The following NRXN1 variants were observed in gnomAD, a reference collection of about 807,000 sequenced individuals.
NRXN1 encodes neurexin 1.
In NRXN1, 39 loss-of-function variants were observed where a neutral mutation model predicts 150.9. That is an observed-to-expected ratio of 0.26 (90% CI 0.20 to 0.34). The LOEUF is 0.34. NRXN1 is among the 10% of genes least tolerant of loss of function. The probability of loss-of-function intolerance (pLI) is 1.00; values close to 1 mark genes in which losing one functional copy is unlikely to be tolerated. For missense variants in NRXN1, 1,815 were observed against 1,949.9 expected (o/e 0.93, Z 1.30); for synonymous variants, 924 against 757.0 (o/e 1.22, Z -3.62).
intron 17 of NRXN1, among the ~76,000 whole-genome samples, chr2:50,276,124 C>A (rs1202777431): frequency 1.3e-5 from 2 of 151,800 alleles, no homozygotes; most frequent in African/African-American, 4.8e-5. Context: ...ACGTGAGAAA[C>A]TCAAGAACAA....
In NRXN1 at chr2:50,136,342, G is replaced by C. The variant is rs190720466; in HGVS notation, c.3547-44848C>G. Among the ~76,000 whole-genome samples the C allele has an allele frequency of 2.0e-5, 3 of 152,218 alleles. No homozygotes were observed. The East Asian group carries it at 5.8e-4, about 29-fold the overall frequency. On this transcript the variant is annotated intron_variant, in intron 18 of 22. Transcript: ENST00000401669. Reference sequence around the variant, plus strand: ...ACCAAGGAACAAGTTCATTTAAATGGTTACTCAGGAAATCTTGACGGTGAT... The same window carrying C: ...ACCAAGGAACAAGTTCATTTAAATGCTTACTCAGGAAATCTTGACGGTGAT...
chr2:50,462,670 G>A (rs150632538), intron 17 of NRXN1, among the ~76,000 whole-genome samples: 172 of 151,716 alleles, frequency 1.1e-3, no homozygotes, highest in African/African-American at 4.1e-3. Context: ...GGGAAGAAAG[G>A]GTTTAACAAA....
chr2:50,771,146 G>A lies in NRXN1; in HGVS notation c.833-147531C>T, dbSNP rs191629427. On this transcript the variant is annotated intron_variant, in intron 5 of 22. Coordinates refer to ENST00000401669, the MANE Select transcript of NRXN1 (RefSeq NM_001330078.2). The stretch of plus-strand genomic sequence containing the variant: ...CGGACTGCAGATTGTACTGAAGAGA[G>A]TGCCTGGAAGGATGATGGTCATAGA... Among the ~76,000 whole-genome samples the A allele has an allele frequency of 2.6e-5, 4 of 152,178 alleles. No individual in the cohort carries two copies. In the East Asian group the frequency reaches 5.8e-4, roughly 22 times the overall value.
At chr2:50,714,951 G>A (rs1695675701) in intron 5 of NRXN1, among the ~76,000 whole-genome samples, 1 of 152,042 alleles carries the variant, frequency 6.6e-6, no homozygotes, top group African/African-American at 2.4e-5. Flanking sequence ...AGTTAAAAGT[G>A]CTATTTAATT....
intron 5 of NRXN1, among the ~76,000 whole-genome samples, chr2:50,691,411 A>G (rs929149925): frequency 1.3e-5 from 2 of 152,204 alleles, no homozygotes; most frequent in African/African-American, 4.8e-5. Context: ...AGACATTTTG[A>G]TAGCAATTCA....
intron 21 of NRXN1, among the ~76,000 whole-genome samples, chr2:50,003,627 T>C (rs1197806455): frequency 6.6e-6 from 1 of 152,160 alleles, no homozygotes; most frequent in Non-Finnish European, 1.5e-5. Context: ...TGAAAACCGA[T>C]GTGCCTTTTT....
intron 8 of NRXN1, among the ~76,000 whole-genome samples, chr2:50,572,968 A>T (rs1321391653): frequency 6.6e-6 from 1 of 152,034 alleles, no homozygotes; most frequent in African/African-American, 2.4e-5. Context: ...GCCTCATTTT[A>T]CTCTCAGTAT....
At chr2:50,365,032 G>C (rs769394074) in intron 17 of NRXN1, among the ~76,000 whole-genome samples, 5 of 152,014 alleles carry the variant, frequency 3.3e-5, no homozygotes, top group Non-Finnish European at 5.9e-5. Context: ...GCTTTACACA[G>C]CATGGCAAAA....
intron 2 of NRXN1, among the ~76,000 whole-genome samples, chr2:50,991,903 T>A (rs909699830): frequency 6.6e-6 from 1 of 152,060 alleles, no homozygotes. Flanking sequence ...TGGCAACTGC[T>A]CTGGAATTTC....
intron 5 of NRXN1, among the ~76,000 whole-genome samples, chr2:50,778,731 G>C (rs1703976747): frequency 6.6e-6 from 1 of 152,158 alleles, no homozygotes; most frequent in Non-Finnish European, 1.5e-5. Context: ...TCCTGCTACA[G>C]TTTCCCTGTC....
intron 17 of NRXN1, among the ~76,000 whole-genome samples, chr2:50,439,182 C>G (rs968698763): frequency 1.1e-4 from 17 of 152,176 alleles, no homozygotes; most frequent in African/African-American, 4.1e-4. Flanking sequence ...AGCTTGGAAA[C>G]AAGCAATGCA....
intron 17 of NRXN1, among the ~76,000 whole-genome samples, chr2:50,344,072 T>A (rs2152995137): frequency 6.6e-6 from 1 of 152,272 alleles, no homozygotes; most frequent in East Asian, 1.9e-4. Context: ...TACTTGTGGG[T>A]CCTTTGTCCC....
At chr2:50,553,370 A>G (rs530737198) in intron 8 of NRXN1, among the ~76,000 whole-genome samples, 1 of 152,318 alleles carries the variant, frequency 6.6e-6, no homozygotes, top group Admixed American at 6.5e-5. Flanking sequence ...TATAAAAGCT[A>G]CTTGTTTCAT....
intron 5 of NRXN1, among the ~76,000 whole-genome samples, chr2:50,767,520 T>C (rs1006533503): frequency 6.6e-6 from 1 of 152,058 alleles, no homozygotes; most frequent in African/African-American, 2.4e-5. Context: ...TGAACACTAA[T>C]GTAGTGAATC....
At chr2:50,613,472 T>C (rs959492447) in intron 8 of NRXN1, among the ~76,000 whole-genome samples, 3 of 152,178 alleles carry the variant, frequency 2.0e-5, no homozygotes, top group African/African-American at 4.8e-5. Flanking sequence ...TGATCCTACA[T>C]GAAACACTTT....
intron 8 of NRXN1, among the ~76,000 whole-genome samples, chr2:50,576,679 AT>A (rs1179154951): frequency 6.6e-6 from 1 of 152,124 alleles, no homozygotes; most frequent in Non-Finnish European, 1.5e-5. Flanking sequence ...TATAAAATAG[AT>A]GTAAGACTTG....
At chr2:50,761,506 C>T (rs954331608) in intron 5 of NRXN1, among the ~76,000 whole-genome samples, 85 of 151,890 alleles carry the variant, frequency 5.6e-4, no homozygotes, top group African/African-American at 1.8e-3. Flanking sequence ...TGAGGCCTCC[C>T]AGCCATGTGG....
chr2:50,941,249 G>T (rs116498119), intron 2 of NRXN1, among the ~76,000 whole-genome samples: 2,300 of 152,204 alleles, frequency 0.015, 66 homozygotes, highest in African/African-American at 0.051. Context: ...CGAGTCTCGG[G>T]TAGTTCTTTA....
intron 18 of NRXN1, among the ~76,000 whole-genome samples, chr2:50,175,806 T>C (rs1334004538): frequency 6.6e-6 from 1 of 152,142 alleles, no homozygotes; most frequent in Non-Finnish European, 1.5e-5. Context: ...ATCTTCCCAT[T>C]GACAAGGTTC....
Sources: gnomAD v4.1 joint callset for allele counts (sites outside exome capture counted in the v4.1 genomes callset) on GRCh38, gnomAD v4.1.1 for gene constraint, MANE v1.5 for transcripts, NCBI Gene and HGNC (gene_info 2026-07-23, HGNC 2026-07-21) for gene names.